The following RBFOX1 variants were observed in gnomAD, a reference collection of about 807,000 sequenced individuals.
RBFOX1 encodes the protein RNA binding fox-1 homolog 1.
A neutral mutation model predicts 57.7 loss-of-function variants in RBFOX1; 8 were observed. That is an observed-to-expected ratio of 0.14 (90% CI 0.08 to 0.25). The LOEUF is 0.25. Ranked by LOEUF, RBFOX1 falls within the 10% of genes least tolerant of loss-of-function variation. The probability of loss-of-function intolerance (pLI) is 1.00; values close to 1 mark genes in which losing one functional copy is unlikely to be tolerated. For missense variants in RBFOX1, 611 were observed against 548.5 expected (o/e 1.11, Z -1.14); for synonymous variants, 326 against 222.4 (o/e 1.47, Z -4.15).
chr16:5,828,417 A>G (rs2056148981), intron 3 of RBFOX1, among the ~76,000 whole-genome samples: 1 of 152,136 alleles, frequency 6.6e-6, no homozygotes, highest in Non-Finnish European at 1.5e-5. Flanking sequence ...AGGATGAAAA[A>G]AATGCAACCA....
chr16:5,918,397 G>A (rs2058753237), intron 4 of RBFOX1, among the ~76,000 whole-genome samples: 2 of 152,200 alleles, frequency 1.3e-5, no homozygotes, highest in Admixed American at 1.3e-4. Flanking sequence ...TGGGATTATA[G>A]GCGAGAGCAA....
At chr16:6,311,461 G>C (rs1034197423) in intron 1 of RBFOX1, among the ~76,000 whole-genome samples, 1 of 152,152 alleles carries the variant, frequency 6.6e-6, no homozygotes, top group Non-Finnish European at 1.5e-5. Context: ...AGCAAAAGGA[G>C]ATGATGTTGG....
chr16:7,454,245 C>A (rs536526288), intron 4 of RBFOX1, among the ~76,000 whole-genome samples: 36 of 152,124 alleles, frequency 2.4e-4, no homozygotes, highest in African/African-American at 7.9e-4. Context: ...ACCAACCCCC[C>A]CAAAAAAAGT....
intron 1 of RBFOX1, among the ~76,000 whole-genome samples, chr16:5,448,365 G>C (rs749047318): frequency 6.6e-6 from 1 of 152,078 alleles, no homozygotes; most frequent in African/African-American, 2.4e-5. Flanking sequence ...CAAAAAAACT[G>C]GAATAAGGTA....
intron 1 of RBFOX1, among the ~76,000 whole-genome samples, chr16:5,383,944 T>C (rs550639418): frequency 8.5e-5 from 13 of 152,230 alleles, no homozygotes; most frequent in Non-Finnish European, 1.5e-4. Context: ...TTGTTCTCTT[T>C]CTTCTTTGCC....
intron 11 of RBFOX1, among the ~76,000 whole-genome samples, chr16:7,646,600 G>T (rs1358709686): frequency 6.6e-6 from 1 of 152,162 alleles, no homozygotes; most frequent in African/African-American, 2.4e-5. Flanking sequence ...AGGGCATCTG[G>T]CAGTCTCATG....
chr16:6,479,288 G>A (rs545131011), intron 2 of RBFOX1, among the ~76,000 whole-genome samples: 2 of 152,268 alleles, frequency 1.3e-5, no homozygotes, highest in South Asian at 4.1e-4. Context: ...CTTACATGGC[G>A]GCAGGTGAGA....
intron 3 of RBFOX1, among the ~76,000 whole-genome samples, chr16:6,842,468 ATGTG>A (rs1420343569): frequency 6.6e-6 from 1 of 152,008 alleles, no homozygotes; most frequent in Non-Finnish European, 1.5e-5. Flanking sequence ...ACAAATATGA[ATGTG>A]TGTGTTTGTT....
chr16:7,155,764 C>CAG (rs1220845199), intron 4 of RBFOX1, among the ~76,000 whole-genome samples: 30 of 124,160 alleles, frequency 2.4e-4, no homozygotes, highest in Middle Eastern at 4.9e-3. Context: ...CACACACACA[C>CAG]ATATATATAC....
At chr16:6,494,238 C>T (rs929947545) in intron 2 of RBFOX1, among the ~76,000 whole-genome samples, 1 of 152,144 alleles carries the variant, frequency 6.6e-6, no homozygotes, top group African/African-American at 2.4e-5. Context: ...AGGTTACTTG[C>T]ACGTATTTGT....
chr16:7,183,732 C>G (rs555581862), intron 4 of RBFOX1, among the ~76,000 whole-genome samples: 28 of 152,266 alleles, frequency 1.8e-4, no homozygotes, highest in Non-Finnish European at 3.4e-4. Flanking sequence ...AGTTCTTAGG[C>G]TTACTGTCAG....
At chr16:6,844,945 GCTTTTTTC>G in intron 3 of RBFOX1, among the ~76,000 whole-genome samples, 1 of 152,116 alleles carries the variant, frequency 6.6e-6, no homozygotes, top group East Asian at 1.9e-4. Flanking sequence ...GTGATACTAA[GCTTTTTTC>G]CTATGTTTGT....
intron 3 of RBFOX1, among the ~76,000 whole-genome samples, chr16:6,867,633 C>T (rs536893359): frequency 3.3e-5 from 5 of 152,044 alleles, no homozygotes; most frequent in Non-Finnish European, 5.9e-5. Context: ...GCAGCAGGAT[C>T]GCTTGAACCC....
At chr16:5,373,599 G>C (rs983309735) in intron 1 of RBFOX1, among the ~76,000 whole-genome samples, 1 of 151,066 alleles carries the variant, frequency 6.6e-6, no homozygotes, top group South Asian at 2.1e-4. Flanking sequence ...CCAGTTAAAC[G>C]TCTTTTCTTT....
At chr16:5,727,697 T>A (rs538383979) in intron 3 of RBFOX1, among the ~76,000 whole-genome samples, 1 of 152,104 alleles carries the variant, frequency 6.6e-6, no homozygotes, top group East Asian at 1.9e-4. Flanking sequence ...TTTGTTTGTT[T>A]GTTTGTTTAG....
chr16:5,586,957 T>C (rs1315621870), intron 2 of RBFOX1, among the ~76,000 whole-genome samples: 2 of 152,208 alleles, frequency 1.3e-5, no homozygotes, highest in Admixed American at 1.3e-4. Flanking sequence ...TGAATTGTGT[T>C]GTCATTGAAC....
chr16:6,410,167 G>GGTGTGT (rs2093411472), intron 2 of RBFOX1, among the ~76,000 whole-genome samples: 2 of 62,540 alleles, frequency 3.2e-5, no homozygotes, highest in Non-Finnish European at 5.9e-5. Context: ...GCATCATAAG[G>GGTGTGT]CTGTGTGTGT....
chr16:5,755,609 T>G (rs1392356031), intron 3 of RBFOX1, among the ~76,000 whole-genome samples: 1 of 152,204 alleles, frequency 6.6e-6, no homozygotes, highest in African/African-American at 2.4e-5. Context: ...TTTGTTTATT[T>G]TTTCTTGAGA....
intron 4 of RBFOX1, among the ~76,000 whole-genome samples, chr16:7,367,229 A>C (rs2097470958): frequency 6.6e-6 from 1 of 152,172 alleles, no homozygotes. Flanking sequence ...TGCAAAGACG[A>C]GACTGTAAAT....
Sources: allele counts gnomAD v4.1 joint callset (sites outside exome capture counted in the v4.1 genomes callset), GRCh38; gene constraint gnomAD v4.1.1; transcripts MANE v1.5; gene names NCBI Gene and HGNC (gene_info 2026-07-23, HGNC 2026-07-21).